NSMCE1: variants seen among roughly 807,000 people sequenced by gnomAD.
NSMCE1 encodes NSE1 component of SMC5/6 complex.
A neutral mutation model predicts 29.6 loss-of-function variants in NSMCE1; 18 were observed. The observed-to-expected ratio is 0.61, with a 90% CI of 0.42 to 0.90. NSMCE1 has a LOEUF of 0.90. Among genes scored for constraint, NSMCE1 ranks in the 40% least tolerant of loss-of-function variants. The pLI, the probability that NSMCE1 is intolerant of heterozygous loss-of-function variation, is 0.00. For missense variants in NSMCE1, 314 were observed against 343.6 expected (o/e 0.91, Z 0.68); for synonymous variants, 124 against 133.4 (o/e 0.93, Z 0.49).
intron 6 of NSMCE1, 52 bp from the exon 7 acceptor site, chr16:27,225,898 T>G (rs754705960): frequency 3.5e-5 from 56 of 1,605,560 alleles, no homozygotes; most frequent in Non-Finnish European, 4.4e-5. Flanking sequence ...CTCCATGTTC[T>G]GCAAACCTCC....
chr16:27,248,502 C>A (rs1052807446), intron 2 of NSMCE1, among the ~76,000 whole-genome samples: 2 of 151,146 alleles, frequency 1.3e-5, no homozygotes, highest in Non-Finnish European at 2.9e-5. Context: ...CCTCCGCCTC[C>A]CGGGTTCAAG....
chr16:27,233,258 G>A, intron 4 of NSMCE1, 111 bp from the exon 5 acceptor site: 1 of 822,454 alleles, frequency 1.2e-6, no homozygotes, highest in Non-Finnish European at 1.9e-6. Context: ...ATCACAGGCA[G>A]AACTGTACAC....
At chr16:27,256,029 A>C (rs758404220) in intron 2 of NSMCE1, among the ~76,000 whole-genome samples, 2 of 152,150 alleles carry the variant, frequency 1.3e-5, no homozygotes, top group East Asian at 3.9e-4. Flanking sequence ...CACTGCAAGG[A>C]GCTACAGGAT....
chr16:27,239,764 G>T (rs1170550906), intron 2 of NSMCE1, among the ~76,000 whole-genome samples: 3 of 152,126 alleles, frequency 2.0e-5, no homozygotes, highest in Non-Finnish European at 2.9e-5. Flanking sequence ...AGATACCCTA[G>T]CCAGGACAAC....
At chr16:27,229,118 C>T (rs1195735250) in intron 5 of NSMCE1, among the ~76,000 whole-genome samples, 3 of 152,224 alleles carry the variant, frequency 2.0e-5, no homozygotes, top group African/African-American at 4.8e-5. Flanking sequence ...TCCGTCTGCT[C>T]GCCTCGCAAT....
intron 1 of NSMCE1, among the ~76,000 whole-genome samples, chr16:27,265,427 C>T (rs1470283087): frequency 1.3e-5 from 2 of 152,056 alleles, no homozygotes; most frequent in African/African-American, 4.8e-5. Flanking sequence ...CTCAGCCTCC[C>T]AAAGTGCTGG....
At chr16:27,264,546 A>G (rs2084197982) in intron 1 of NSMCE1, among the ~76,000 whole-genome samples, 1 of 152,204 alleles carries the variant, frequency 6.6e-6, no homozygotes, top group Admixed American at 6.5e-5. Context: ...AAACTTTCCA[A>G]TAAAAGGTGC....
chr16:27,240,366 C>T (rs184042331), intron 2 of NSMCE1, among the ~76,000 whole-genome samples: 18 of 152,290 alleles, frequency 1.2e-4, no homozygotes, highest in Non-Finnish European at 1.9e-4. Flanking sequence ...TGGATCAGCC[C>T]GGCCTGGCCC....
intron 1 of NSMCE1, among the ~76,000 whole-genome samples, chr16:27,265,161 C>CTTTTTTTTT (rs5816427): frequency 2.1e-4 from 17 of 82,690 alleles, no homozygotes; most frequent in Non-Finnish European, 2.6e-4. Flanking sequence ...AATTCTTTTC[C>CTTTTTTTTT]TTTTTTTTTT....
At position 27,226,712 on chromosome 16, in the gene NSMCE1, G is replaced by C. The variant is rs2083698372; in HGVS notation, c.600+8C>G. 1 of 1,589,024 alleles carries C rather than the reference G, an allele frequency of 6.3e-7. No homozygotes were observed. The highest frequency in any genetic ancestry group is 8.6e-7 in the Non-Finnish European group (1 of 1,157,290). On this transcript the variant is annotated splice_region_variant and intron_variant, in intron 6 of 7. Coordinates refer to ENST00000361439, the MANE Select transcript of NSMCE1 (RefSeq NM_145080.4). ...GTGATGAGCTCCCGTGCCCTGCCCT[G>C]CGGGTACCTGGATGAGGAGGCTGTG...
At chr16:27,241,401 C>T (rs1262976204) in intron 2 of NSMCE1, 1 of 153,002 alleles carries the variant, frequency 6.5e-6, no homozygotes, top group Non-Finnish European at 1.5e-5. Flanking sequence ...GTCCTGCTAG[C>T]ACAGCACTGA....
At chr16:27,267,998 T>G (rs2084246210) in intron 1 of NSMCE1, among the ~76,000 whole-genome samples, 1 of 152,094 alleles carries the variant, frequency 6.6e-6, no homozygotes, top group Admixed American at 6.6e-5. Flanking sequence ...CCCCCTCAGC[T>G]TCCCAAAGTG....
At chr16:27,236,058 C>A (rs753763370) in intron 2 of NSMCE1, among the ~76,000 whole-genome samples, 2 of 152,288 alleles carry the variant, frequency 1.3e-5, no homozygotes, top group Non-Finnish European at 2.9e-5. Context: ...CTCCCCTGGC[C>A]CTGCCAGCAG....
At chr16:27,231,971 C>A (rs1437695343) in intron 5 of NSMCE1, among the ~76,000 whole-genome samples, 1 of 152,194 alleles carries the variant, frequency 6.6e-6, no homozygotes, top group Non-Finnish European at 1.5e-5. Context: ...CCCAGCCCTG[C>A]CCTCACCCCA....
intron 4 of NSMCE1, 39 bp downstream of exon 4, chr16:27,234,149 G>A: frequency 7.4e-7 from 1 of 1,355,570 alleles, no homozygotes; most frequent in Non-Finnish European, 1.1e-6. Context: ...TTTCCCATAA[G>A]AAGCCCACCC....
At chr16:27,261,704 C>T (rs573757303) in intron 1 of NSMCE1, among the ~76,000 whole-genome samples, 90 of 152,302 alleles carry the variant, frequency 5.9e-4, no homozygotes, top group Non-Finnish European at 1.2e-3. Flanking sequence ...CCCTCCCCAA[C>T]CCATCTGACA....
intron 2 of NSMCE1, chr16:27,241,887 T>C (rs762212041): frequency 8.8e-6 from 4 of 453,328 alleles, no homozygotes; most frequent in African/African-American, 2.0e-5. Context: ...ATGAAGGACA[T>C]ACCTAAGACG....
intron 2 of NSMCE1, among the ~76,000 whole-genome samples, chr16:27,251,042 T>C (rs1399250421): frequency 2.0e-5 from 3 of 148,170 alleles, no homozygotes; most frequent in East Asian, 2.0e-4. Context: ...GGTTTCTCCA[T>C]GTTGGTCAGG....
At chr16:27,261,522 A>G (rs2084157367) in intron 1 of NSMCE1, among the ~76,000 whole-genome samples, 1 of 152,234 alleles carries the variant, frequency 6.6e-6, no homozygotes, top group Non-Finnish European at 1.5e-5. Flanking sequence ...TAATGAATGA[A>G]TTATCTGAAA....
Sources: gnomAD v4.1 joint callset for allele counts (sites outside exome capture counted in the v4.1 genomes callset) on GRCh38, gnomAD v4.1.1 for gene constraint, MANE v1.5 for transcripts, NCBI Gene and HGNC (gene_info 2026-07-23, HGNC 2026-07-21) for gene names.